Variants in SIGLEC5 observed in about 807,000 individuals in gnomAD.
SIGLEC5 encodes sialic acid-binding Ig-like lectin 5.
SIGLEC5 carries 34 observed loss-of-function variants against 45.9 expected under a neutral mutation model. The observed-to-expected ratio is 0.74, with a 90% CI of 0.56 to 0.99. The LOEUF (loss-of-function observed/expected upper bound fraction) is 0.99. Ranked by LOEUF, SIGLEC5 falls within the 50% of genes least tolerant of loss-of-function variation. The pLI, the probability that SIGLEC5 is intolerant of heterozygous loss-of-function variation, is 0.00. For missense variants in SIGLEC5, 508 were observed against 629.6 expected, an observed-to-expected ratio of 0.81 and a Z score of 2.07; for synonymous variants, 203 against 258.6, an observed-to-expected ratio of 0.79 and a Z score of 2.06.
intron 8 of SIGLEC5, among the ~76,000 whole-genome samples, chr19:51,614,483 G>T (rs1982978621): frequency 6.6e-6 from 1 of 152,024 alleles, no homozygotes; most frequent in Non-Finnish European, 1.5e-5. Flanking sequence ...TGGCTTCATT[G>T]TGTCAGAAAA....
rs574908419 is a variant in SIGLEC5, at chr19:51,617,066, T to C, written c.1465-4644A>G. Among the ~76,000 whole-genome samples, 14 of 151,882 alleles carry C rather than the reference T, an allele frequency of 9.2e-5. No homozygotes were observed. In the South Asian group the frequency reaches 2.5e-3, roughly 27 times the overall value. On this transcript the variant is annotated intron_variant, in intron 8 of 8. Coordinates refer to ENST00000683636, the MANE Select transcript of SIGLEC5 (RefSeq NM_003830.4). ...GTCAGGAGATCAAGACCATCCTGGC[T>C]AAGACGGTGAAACCCCGTCTCTACT...
chr19:51,627,947 T>C lies in SIGLEC5; in HGVS notation c.884A>G (p.Asn295Ser). Residue 295 changes from asparagine to serine, a missense_variant, in exon 5 of 9, where the codon AAT becomes AGT. Asn to Ser is a conservative substitution (Grantham distance 46). Transcript: ENST00000683636. Reference protein sequence around the residue: ...SPALNATPISNTGILELRRVR... With the variant: ...SPALNATPISSTGILELRRVR... ...TCGACGAAGCTCCAAGATCCCGGTA[T>C]TGGAGATGGGGGTGGCGTTCAGGGC... 1 of 1,614,076 alleles carries C rather than the reference T, an allele frequency of 6.2e-7. No homozygotes were observed. The highest frequency in any genetic ancestry group is 1.1e-5 in the South Asian group (1 of 91,064).
chr19:51,616,919 C>A (rs10426413), intron 8 of SIGLEC5, among the ~76,000 whole-genome samples: 87,850 of 105,254 alleles, frequency 0.83, 36,417 homozygotes, highest in East Asian at 0.95. Flanking sequence ...AAAAAAAAAA[C>A]AAAAAAAAAA....
chr19:51,614,312 T>G (rs571702816), intron 8 of SIGLEC5, among the ~76,000 whole-genome samples: 1 of 152,282 alleles, frequency 6.6e-6, no homozygotes, highest in Admixed American at 6.5e-5. Flanking sequence ...CCCAGCTAAT[T>G]TTTGTAAAGA....
chr19:51,627,235 G>C lies in SIGLEC5; in HGVS notation c.1296C>G (p.Leu432=), dbSNP rs17740650. The C allele has an allele frequency of 6.2e-7, 1 of 1,613,766 alleles. No homozygotes were observed. The highest frequency in any genetic ancestry group is 8.5e-7 in the Non-Finnish European group (1 of 1,179,846). Residue 432 remains leucine (L), a synonymous_variant, in exon 7 of 9, where the codon CTC becomes CTG. Transcript: ENST00000683636. ...GGGCTGCAGGAACCACTCCTGTCCC[G>C]AGGTTCGATCTCCCTGCAGAAAAGA... ...SVLLLQGRSN[L]GTGVVPAALG... is the part of the protein sequence containing the mutation.
chr19:51,613,335 C>G (rs753231551), intron 8 of SIGLEC5, among the ~76,000 whole-genome samples: 5 of 152,160 alleles, frequency 3.3e-5, no homozygotes, highest in Non-Finnish European at 5.9e-5. Flanking sequence ...GACCACTCCC[C>G]AAAGAGAGAC....
At chr19:51,616,071 C>T (rs537472034) in intron 8 of SIGLEC5, among the ~76,000 whole-genome samples, 27 of 152,270 alleles carry the variant, frequency 1.8e-4, no homozygotes, top group Admixed American at 2.0e-4. Context: ...CCACCGTGCC[C>T]GGCGTCCCTG....
chr19:51,624,603 C>T (rs1301751613), intron 8 of SIGLEC5, among the ~76,000 whole-genome samples: 1 of 152,074 alleles, frequency 6.6e-6, no homozygotes, highest in African/African-American at 2.4e-5. Flanking sequence ...GGAGAGGAGA[C>T]ACGCTGGACA....
intron 8 of SIGLEC5, among the ~76,000 whole-genome samples, chr19:51,623,701 C>T (rs752027314): frequency 2.0e-5 from 3 of 152,120 alleles, no homozygotes; most frequent in Admixed American, 2.0e-4. Context: ...TTTGGAAAGC[C>T]ATTTTTCATG....
At chr19:51,629,271 TACACACACAC>T (rs72330913) in intron 3 of SIGLEC5, 77 bp downstream of exon 3, 89 of 1,439,670 alleles carry the variant, frequency 6.2e-5, no homozygotes, top group African/African-American at 4.2e-4. Context: ...CTGTCTTCCT[TACACACACAC>T]ACACACACAC....
intron 4 of SIGLEC5, among the ~76,000 whole-genome samples, chr19:51,628,770 G>T (rs531391836): frequency 1.1e-5 from 1 of 93,184 alleles, no homozygotes; most frequent in Non-Finnish European, 3.1e-5. Flanking sequence ...GTATGTGCGT[G>T]TGTGTGTGGT....
chr19:51,627,112 A>G (rs762139892), intron 7 of SIGLEC5, 37 bp downstream of exon 7: 15 of 1,545,070 alleles, frequency 9.7e-6, no homozygotes, highest in Middle Eastern at 3.4e-4. Flanking sequence ...ACTCCCTACA[A>G]ACACCACCCT....
rs769273965 is a variant in SIGLEC5 at position 51,626,255 on chromosome 19, G to A, written c.1383-142C>T. Reference sequence around the variant, plus strand: ...AAACTCGGAGACCTTCCTGACTTCGGAGTGAGGGCTCCATCCTCCTGGATA... The same window carrying A: ...AAACTCGGAGACCTTCCTGACTTCGAAGTGAGGGCTCCATCCTCCTGGATA... On this transcript the variant is annotated intron_variant, in intron 7 of 8. Coordinates refer to ENST00000683636, the MANE Select transcript of SIGLEC5 (RefSeq NM_003830.4). The A allele has an allele frequency of 8.9e-5, 58 of 652,808 alleles. No individual in the cohort carries two copies. In the Middle Eastern group the frequency reaches 1.2e-3, roughly 14 times the overall value. The allele number at this position is 652,808 out of a possible 1,614,324, so 40.4% of individuals were successfully genotyped here.
chr19:51,627,565 G>A lies in SIGLEC5; in HGVS notation c.1179C>T (p.Asn393=). 1 of 1,614,098 alleles carries A rather than the reference G, an allele frequency of 6.2e-7. No individual in the cohort carries two copies. The highest frequency in any genetic ancestry group is 8.5e-7 in the Non-Finnish European group (1 of 1,180,028). The change falls in exon 6 of 9, where the codon AAC becomes AAT. Residue 393 remains asparagine, a synonymous_variant. Transcript: ENST00000683636. ...VNSSSAGPWA[N]SSLILHGGLS... is the part of the protein sequence containing the mutation. ...GCCCCCCGTGGAGGATCAGGGAGCT[G>A]TTGGCCCAGGGCCCAGCTGAGCTGG...
intron 4 of SIGLEC5, among the ~76,000 whole-genome samples, chr19:51,628,799 T>G (rs1983608793): frequency 6.8e-6 from 1 of 147,484 alleles, no homozygotes. Context: ...TGTGTATGTG[T>G]GTGGTGTATA....
Position 51,627,665 on chromosome 19 carries a change from G to A in SIGLEC5, c.1079C>T (p.Ala360Val). 6.2e-7 allele frequency: 1 copy of A among 1,610,800 alleles called. No homozygotes were observed. Among genetic ancestry groups the A allele is most frequent in the Non-Finnish European group, 8.5e-7 (1 of 1,179,066 alleles). Residue 360 changes from alanine to valine, a missense_variant, in exon 6 of 9, where the codon GCC becomes GTC. Ala to Val is a moderately conservative substitution (Grantham distance 64). Around this residue, in one of 2 missense-constraint regions of SIGLEC5, gnomAD observed 431 missense variants for 428.8 expected, o/e 1.01. Coordinates refer to ENST00000683636, the MANE Select transcript of SIGLEC5 (RefSeq NM_003830.4). ...CTCAAGCCGCCAGCACAGGGAGGGG[G>A]CCGGCCGGGCTCGAAAGGAGCATCT... is the stretch of plus-strand genomic sequence containing the variant. ...HCRCSFRARP[A>V]PSLCWRLEEK...
chr19:51,621,793 CCT>C (rs1319386049), intron 8 of SIGLEC5: 1 of 151,762 alleles, frequency 6.6e-6, no homozygotes, highest in East Asian at 1.9e-4. Context: ...AAAAAAAAAC[CCT>C]CTTATATTTT....
chr19:51,627,374 C>G (rs1983525166), intron 6 of SIGLEC5, 88 bp downstream of exon 6: 1 of 1,544,908 alleles, frequency 6.5e-7, no homozygotes, highest in Admixed American at 1.8e-5. Flanking sequence ...TCCCCACCAC[C>G]AGTCCAGCCT....
intron 7 of SIGLEC5, 75 bp downstream of exon 7, chr19:51,627,074 T>C (rs984095061): frequency 8.6e-7 from 1 of 1,169,086 alleles, no homozygotes; most frequent in African/African-American, 1.5e-5. Context: ...TGGCCTTAGC[T>C]CTGTGTTTCT....
Sources: allele counts gnomAD v4.1 joint callset (sites outside exome capture counted in the v4.1 genomes callset), GRCh38; gene constraint gnomAD v4.1.1; regional missense constraint gnomAD v4.1.1; transcripts MANE v1.5; gene names NCBI Gene and HGNC (gene_info 2026-07-23, HGNC 2026-07-21).